NALF1: variants seen among roughly 807,000 people sequenced by gnomAD.
NALF1 encodes NALCN channel auxiliary factor 1.
A neutral mutation model predicts 48.4 loss-of-function variants in NALF1; 3 were observed. The ratio of observed to expected loss-of-function variants is 0.06; its 90% CI spans 0.03 to 0.16. NALF1 has a LOEUF of 0.16. Among genes scored for constraint, NALF1 ranks in the 10% least tolerant of loss-of-function variants. The pLI, the probability that NALF1 is intolerant of heterozygous loss-of-function variation, is 1.00. For synonymous variants in NALF1, 262 were observed against 245.7 expected (o/e 1.07, Z -0.62); for missense variants, 526 against 571.5 (o/e 0.92, Z 0.81).
In NALF1 at chr13:107,671,857, T is replaced by C. The variant is rs555355223; in HGVS notation, c.915+193825A>G. Among the ~76,000 whole-genome samples, 297 of 152,242 alleles carry C rather than the reference T, an allele frequency of 2.0e-3. 2 individuals carry two copies. Among genetic ancestry groups the C allele is most frequent in the African/African-American group, 6.8e-3 (282 of 41,550 alleles). On this transcript the variant is annotated intron_variant, in intron 1 of 2. Transcript: ENST00000375915. ...ACTGTCCTATGCCTGGAAGAATATA[T>C]ATTAAAATGTGAGTAGCTTCCTGTT...
chr13:107,842,315 T>C lies in NALF1; in HGVS notation c.915+23367A>G, dbSNP rs1289658994. 2.0e-5 allele frequency among the ~76,000 whole-genome samples: 3 copies of C among 152,054 alleles called. No homozygotes were observed. In the East Asian group the frequency reaches 5.8e-4, roughly 29 times the overall value. The stretch of plus-strand genomic sequence containing the variant: ...CAAAACTGAGAGAAATCAAATTATT[T>C]GTGCAAGATAACAAAGAAATAGTGT... On this transcript the variant is annotated intron_variant, in intron 1 of 2. Coordinates refer to ENST00000375915, the MANE Select transcript of NALF1 (RefSeq NM_001080396.3).
chr13:107,527,294 T>A (rs16970614), intron 1 of NALF1, among the ~76,000 whole-genome samples: 2,811 of 152,148 alleles, frequency 0.018, 84 homozygotes, highest in African/African-American at 0.063. Context: ...TAAATTAACA[T>A]CAGCGAAGCG....
chr13:107,181,313 C>T (rs1879055171), intron 2 of NALF1, among the ~76,000 whole-genome samples: 1 of 151,272 alleles, frequency 6.6e-6, no homozygotes. Context: ...GTAAAATATT[C>T]TTAAAAATAA....
intron 1 of NALF1, among the ~76,000 whole-genome samples, chr13:107,687,183 G>C (rs1881453173): frequency 6.6e-6 from 1 of 152,128 alleles, no homozygotes. Context: ...TTTCCTAAGT[G>C]AATTAATGCA....
At chr13:107,549,772 A>G (rs976947601) in intron 1 of NALF1, among the ~76,000 whole-genome samples, 5 of 152,248 alleles carry the variant, frequency 3.3e-5, no homozygotes, top group African/African-American at 1.2e-4. Flanking sequence ...ATATTGTTAA[A>G]TTTTATTATC....
chr13:107,326,879 T>A (rs1257895999), intron 1 of NALF1, among the ~76,000 whole-genome samples: 3 of 149,700 alleles, frequency 2.0e-5, no homozygotes, highest in Admixed American at 6.7e-5. Context: ...TTGAGGGTGA[T>A]CTTAATTAGA....
chr13:107,521,774 T>C (rs937122886), intron 1 of NALF1, among the ~76,000 whole-genome samples: 4 of 152,054 alleles, frequency 2.6e-5, no homozygotes, highest in Non-Finnish European at 5.9e-5. Flanking sequence ...TACCTAGGAG[T>C]ACAAGAAAGA....
At chr13:107,582,973 T>A (rs1878356410) in intron 1 of NALF1, among the ~76,000 whole-genome samples, 1 of 152,102 alleles carries the variant, frequency 6.6e-6, no homozygotes, top group Non-Finnish European at 1.5e-5. Flanking sequence ...TATCACCTTT[T>A]CCCCCCTCTC....
chr13:107,184,635 C>T (rs1023406544), intron 2 of NALF1, among the ~76,000 whole-genome samples: 1 of 152,160 alleles, frequency 6.6e-6, no homozygotes, highest in Admixed American at 6.5e-5. Context: ...TGTTTTCCTG[C>T]ATCCTAGCTA....
chr13:107,554,154 C>T (rs748487409), intron 1 of NALF1, among the ~76,000 whole-genome samples: 9 of 152,290 alleles, frequency 5.9e-5, no homozygotes, highest in East Asian at 3.9e-4. Context: ...GTATGGCAGA[C>T]GCACTCTGAG....
At chr13:107,386,326 A>T (rs866137401) in intron 1 of NALF1, among the ~76,000 whole-genome samples, 9 of 152,198 alleles carry the variant, frequency 5.9e-5, no homozygotes, top group African/African-American at 9.6e-5. Flanking sequence ...CAAATTGCTT[A>T]GTATCTTCTT....
At chr13:107,191,781 C>T (rs1038007911) in intron 2 of NALF1, among the ~76,000 whole-genome samples, 1 of 150,382 alleles carries the variant, frequency 6.6e-6, no homozygotes, top group African/African-American at 2.5e-5. Context: ...AGGCAATTCT[C>T]TTGCCTCAGC....
chr13:107,540,426 T>G (rs774910920), intron 1 of NALF1, among the ~76,000 whole-genome samples: 5 of 152,088 alleles, frequency 3.3e-5, no homozygotes, highest in Non-Finnish European at 7.4e-5. Flanking sequence ...ATTTCTAACT[T>G]CTCTATCATG....
At chr13:107,346,073 C>T (rs1365850404) in intron 1 of NALF1, among the ~76,000 whole-genome samples, 1 of 152,070 alleles carries the variant, frequency 6.6e-6, no homozygotes, top group Non-Finnish European at 1.5e-5. Context: ...CACCCCATAC[C>T]CACTAGGATG....
At chr13:107,325,304 G>C (rs149827060) in intron 1 of NALF1, among the ~76,000 whole-genome samples, 1,595 of 152,224 alleles carry the variant, frequency 0.01, 25 homozygotes, top group African/African-American at 0.036. Flanking sequence ...GCATGATGAT[G>C]ATGAGCTAAT....
At chr13:107,743,799 T>C (rs1466751593) in intron 1 of NALF1, among the ~76,000 whole-genome samples, 32 of 152,308 alleles carry the variant, frequency 2.1e-4, no homozygotes, top group Non-Finnish European at 1.9e-4. Context: ...ACAGGAACTG[T>C]GAAGCTAGAC....
At chr13:107,554,155 G>A (rs998743030) in intron 1 of NALF1, among the ~76,000 whole-genome samples, 9 of 152,184 alleles carry the variant, frequency 5.9e-5, no homozygotes, top group South Asian at 4.1e-4. Flanking sequence ...TATGGCAGAC[G>A]CACTCTGAGC....
At chr13:107,753,199 C>G (rs76053089) in intron 1 of NALF1, among the ~76,000 whole-genome samples, 14 of 152,272 alleles carry the variant, frequency 9.2e-5, no homozygotes, top group African/African-American at 3.4e-4. Flanking sequence ...CATCCACAGG[C>G]CTTTCCTATT....
intron 1 of NALF1, among the ~76,000 whole-genome samples, chr13:107,685,272 G>C (rs1881407902): frequency 1.3e-5 from 2 of 152,082 alleles, no homozygotes; most frequent in African/African-American, 4.8e-5. Context: ...CAAGACCTGT[G>C]CCATTGCTCC....
Sources: allele counts gnomAD v4.1 joint callset (sites outside exome capture counted in the v4.1 genomes callset), GRCh38; gene constraint gnomAD v4.1.1; transcripts MANE v1.5; gene names NCBI Gene and HGNC (gene_info 2026-07-23, HGNC 2026-07-21).